The following SLC35D4 variants were observed in gnomAD, a reference collection of about 807,000 sequenced individuals.
SLC35D4 encodes the protein solute carrier family 35 member D4.
At chr18:23,239,645 C>T in the SLC35D4 span, among the ~76,000 whole-genome samples, 1,145 of 152,248 alleles carry the variant, frequency 7.5e-3, 11 homozygotes, top group African/African-American at 0.026. Context: ...GTATAGAATT[C>T]GCCTGTTGAA....
At chr18:23,343,426 A>G in the SLC35D4 span, among the ~76,000 whole-genome samples, 1 of 151,928 alleles carries the variant, frequency 6.6e-6, no homozygotes. Context: ...TTTTTAGTAG[A>G]GACAGGGTTT....
chr18:23,349,211 T>A, the SLC35D4 span, among the ~76,000 whole-genome samples: 2 of 152,262 alleles, frequency 1.3e-5, no homozygotes, highest in Non-Finnish European at 2.9e-5. Flanking sequence ...TTTCAACAAA[T>A]TGATTTCTTC....
At chr18:23,419,322 C>A in the SLC35D4 span, among the ~76,000 whole-genome samples, 52 of 151,470 alleles carry the variant, frequency 3.4e-4, no homozygotes, top group African/African-American at 1.2e-3. Flanking sequence ...GACGGAGTTT[C>A]GCTCTTACAA....
chr18:23,429,601 CCT>C, the SLC35D4 span, among the ~76,000 whole-genome samples: 2 of 152,150 alleles, frequency 1.3e-5, no homozygotes, highest in Non-Finnish European at 1.5e-5. Context: ...ATCTTGAACT[CCT>C]GACCTCAGGT....
At chr18:23,394,684 T>A in the SLC35D4 span, among the ~76,000 whole-genome samples, 1 of 152,088 alleles carries the variant, frequency 6.6e-6, no homozygotes, top group South Asian at 2.1e-4. Context: ...TAATAAGCCA[T>A]TTTATGGCCG....
At chr18:23,432,979 C>T in the SLC35D4 span, among the ~76,000 whole-genome samples, 2 of 98,362 alleles carry the variant, frequency 2.0e-5, no homozygotes, top group East Asian at 5.2e-4. Context: ...GACTCTGTCT[C>T]AAAAAAAAAA....
At chr18:23,287,457 T>C in the SLC35D4 span, among the ~76,000 whole-genome samples, 1 of 152,112 alleles carries the variant, frequency 6.6e-6, no homozygotes, top group Admixed American at 6.6e-5. Context: ...CAAGCCCAAA[T>C]TTCTTCCTTA....
At chr18:23,313,697 G>A in the SLC35D4 span, among the ~76,000 whole-genome samples, 6 of 152,156 alleles carry the variant, frequency 3.9e-5, no homozygotes, top group Admixed American at 3.9e-4. Flanking sequence ...TGATCCACCT[G>A]GTGGTGGGAC....
the SLC35D4 span, among the ~76,000 whole-genome samples, chr18:23,248,813 G>A: frequency 3.3e-4 from 50 of 152,236 alleles, no homozygotes; most frequent in Admixed American, 6.5e-4. Flanking sequence ...CAACAAGAGC[G>A]AAACTCCATC....
At chr18:23,344,586 T>G in the SLC35D4 span, among the ~76,000 whole-genome samples, 1 of 137,702 alleles carries the variant, frequency 7.3e-6, no homozygotes, top group Non-Finnish European at 1.5e-5. Context: ...ATTTTCTTTT[T>G]CTTTTTTTTT....
the SLC35D4 span, among the ~76,000 whole-genome samples, chr18:23,380,242 T>C: frequency 6.6e-6 from 1 of 152,184 alleles, no homozygotes. Context: ...CCTTTAATCA[T>C]GGGGTAATTA....
the SLC35D4 span, among the ~76,000 whole-genome samples, chr18:23,269,582 A>T: frequency 6.6e-6 from 1 of 152,258 alleles, no homozygotes; most frequent in South Asian, 2.1e-4. Context: ...ACTGGGTAAC[A>T]GGCAGAGACT....
At chr18:23,421,461 G>A in the SLC35D4 span, 9 of 1,613,418 alleles carry the variant, frequency 5.6e-6, no homozygotes, top group Non-Finnish European at 7.6e-6. Flanking sequence ...AGGACAAGGG[G>A]CAATGTGAAT....
At chr18:23,400,900 TC>T in the SLC35D4 span, among the ~76,000 whole-genome samples, 1 of 152,196 alleles carries the variant, frequency 6.6e-6, no homozygotes, top group Non-Finnish European at 1.5e-5. Flanking sequence ...GCAAGGGCCT[TC>T]AATCCTTACT....
the SLC35D4 span, among the ~76,000 whole-genome samples, chr18:23,379,743 C>T: frequency 6.6e-6 from 1 of 152,176 alleles, no homozygotes. Flanking sequence ...AATAACCTAG[C>T]AACAAGTCCT....
At chr18:23,291,465 G>A in the SLC35D4 span, among the ~76,000 whole-genome samples, 58 of 152,354 alleles carry the variant, frequency 3.8e-4, 1 homozygote, top group East Asian at 0.01. Flanking sequence ...GGACTGCTGG[G>A]CAGGGTGATT....
At chr18:23,384,761 C>A in the SLC35D4 span, among the ~76,000 whole-genome samples, 1 of 152,210 alleles carries the variant, frequency 6.6e-6, no homozygotes, top group Admixed American at 6.5e-5. Context: ...TCTGGGTCAG[C>A]CTGGCCTGGA....
chr18:23,272,402 G>C, the SLC35D4 span, among the ~76,000 whole-genome samples: 1 of 152,086 alleles, frequency 6.6e-6, no homozygotes, highest in African/African-American at 2.4e-5. Flanking sequence ...CTATGATCAT[G>C]CCACTGCACT....
chr18:23,360,944 A>C, the SLC35D4 span, among the ~76,000 whole-genome samples: 2 of 151,952 alleles, frequency 1.3e-5, no homozygotes, highest in African/African-American at 4.8e-5. Context: ...TCTACTAAAA[A>C]TACAAAAATT....
Sources: gnomAD v4.1 joint callset for allele counts (sites outside exome capture counted in the v4.1 genomes callset) on GRCh38, gnomAD v4.1.1 for gene constraint, MANE v1.5 for transcripts, NCBI Gene and HGNC (gene_info 2026-07-23, HGNC 2026-07-21) for gene names.